The following LIMS1 variants were observed in gnomAD, a reference collection of about 807,000 sequenced individuals.
LIMS1 encodes LIM and senescent cell antigen-like-containing domain protein 1.
In LIMS1, 18 loss-of-function variants were observed where a neutral mutation model predicts 44.1. The ratio of observed to expected loss-of-function variants is 0.41; its 90% CI spans 0.28 to 0.61. The LOEUF is 0.61. Among genes scored for constraint, LIMS1 ranks in the 20% least tolerant of loss-of-function variants. The probability of loss-of-function intolerance (pLI) is 0.32; values close to 1 mark genes in which losing one functional copy is unlikely to be tolerated. For missense variants in LIMS1, 201 were observed against 422.0 expected, an observed-to-expected ratio of 0.48 and a Z score of 4.59; for synonymous variants, 93 against 149.1, an observed-to-expected ratio of 0.62 and a Z score of 2.74.
At chr2:108,545,978 T>C (rs1269679463) in intron 1 of LIMS1, among the ~76,000 whole-genome samples, 1 of 152,232 alleles carries the variant, frequency 6.6e-6, no homozygotes, top group African/African-American at 2.4e-5. Context: ...GAAGCCCTCC[T>C]TAACTATTTA....
intron 1 of LIMS1, among the ~76,000 whole-genome samples, chr2:108,653,535 G>C (rs2148951514): frequency 6.6e-6 from 1 of 152,144 alleles, no homozygotes; most frequent in South Asian, 2.1e-4. Context: ...TTGGTGGGTG[G>C]CACACTGCCC....
At chr2:108,673,392 T>G (rs1377411951) in intron 5 of LIMS1, 2 of 319,132 alleles carry the variant, frequency 6.3e-6, no homozygotes, top group Non-Finnish European at 5.9e-6. Context: ...TGTAAATTTT[T>G]TTTTGCCTTG....
chr2:108,572,917 A>T (rs1331004984), intron 1 of LIMS1, among the ~76,000 whole-genome samples: 4 of 152,172 alleles, frequency 2.6e-5, no homozygotes, highest in Non-Finnish European at 5.9e-5. Context: ...TTGCAGTAGT[A>T]AACTTGTATT....
exon 10 of LIMS1, chr2:108,683,897 G>A (rs1053295753): frequency 3.2e-6 from 5 of 1,566,310 alleles, no homozygotes; most frequent in African/African-American, 2.7e-5. Flanking sequence ...ATAAGTTTGT[G>A]GAGTTTGACA....
chr2:108,638,215 T>C (rs1191026012), intron 1 of LIMS1, among the ~76,000 whole-genome samples: 1 of 152,156 alleles, frequency 6.6e-6, no homozygotes, highest in Non-Finnish European at 1.5e-5. Context: ...AATTGTGAGG[T>C]GGCTTATAGA....
At chr2:108,656,868 C>T (rs1231631604) in intron 1 of LIMS1, among the ~76,000 whole-genome samples, 1 of 85,234 alleles carries the variant, frequency 1.2e-5, no homozygotes, top group African/African-American at 4.3e-5. Flanking sequence ...CTCTTAAAAA[C>T]TATTAAGGTT....
At chr2:108,587,290 TTGTGTG>T (rs58815332) in intron 1 of LIMS1, among the ~76,000 whole-genome samples, 8,988 of 105,692 alleles carry the variant, frequency 0.085, 289 homozygotes, top group Middle Eastern at 0.12. Context: ...TTCTTGGGGT[TTGTGTG>T]TGTGTGTGTG....
At chr2:108,633,731 A>G (rs901935513) in intron 1 of LIMS1, among the ~76,000 whole-genome samples, 2 of 152,252 alleles carry the variant, frequency 1.3e-5, no homozygotes, top group African/African-American at 4.8e-5. Flanking sequence ...GCCATTCTGA[A>G]CTGAAATCCC....
chr2:108,585,171 AGGC>A (rs1686050836), intron 1 of LIMS1, among the ~76,000 whole-genome samples: 1 of 150,432 alleles, frequency 6.6e-6, no homozygotes, highest in Non-Finnish European at 1.5e-5. Flanking sequence ...AAAAAAAAAA[AGGC>A]GGGGCCAGGC....
intron 1 of LIMS1, among the ~76,000 whole-genome samples, chr2:108,634,580 C>T (rs1273582627): frequency 2.0e-4 from 30 of 152,214 alleles, no homozygotes; most frequent in Admixed American, 2.0e-3. Flanking sequence ...GAATGTGACA[C>T]CTTGTCCTGG....
At chr2:108,656,509 A>T (rs1448506273) in intron 1 of LIMS1, among the ~76,000 whole-genome samples, 1 of 152,240 alleles carries the variant, frequency 6.6e-6, no homozygotes, top group African/African-American at 2.4e-5. Context: ...TTAAATATAA[A>T]ATCAACATTT....
chr2:108,682,902 T>G (rs1166652096), intron 9 of LIMS1, among the ~76,000 whole-genome samples: 1 of 152,234 alleles, frequency 6.6e-6, no homozygotes, highest in African/African-American at 2.4e-5. Flanking sequence ...GTTGTATATT[T>G]ACTCAATTCA....
chr2:108,560,505 A>G (rs1685075423), intron 1 of LIMS1, among the ~76,000 whole-genome samples: 1 of 151,978 alleles, frequency 6.6e-6, no homozygotes, highest in South Asian at 2.1e-4. Flanking sequence ...GGCTTTCACC[A>G]GCTGTTCCTA....
intron 1 of LIMS1, among the ~76,000 whole-genome samples, chr2:108,636,184 C>T (rs1689237631): frequency 6.6e-6 from 1 of 152,208 alleles, no homozygotes; most frequent in African/African-American, 2.4e-5. Context: ...CGGGGTCACA[C>T]TACCAGGGCA....
At chr2:108,617,525 T>C (rs908088378) in intron 1 of LIMS1, among the ~76,000 whole-genome samples, 1 of 152,160 alleles carries the variant, frequency 6.6e-6, no homozygotes, top group Non-Finnish European at 1.5e-5. Flanking sequence ...ACTCTGGAGA[T>C]TTCTTCTCAA....
At chr2:108,635,562 G>T (rs767463076) in intron 1 of LIMS1, among the ~76,000 whole-genome samples, 109 of 151,910 alleles carry the variant, frequency 7.2e-4, no homozygotes, top group Non-Finnish European at 1.3e-4. Context: ...TTAGTCAGGC[G>T]TGGTGGTGGG....
At chr2:108,563,482 A>G (rs1245072003) in intron 1 of LIMS1, among the ~76,000 whole-genome samples, 2 of 152,136 alleles carry the variant, frequency 1.3e-5, no homozygotes, top group East Asian at 1.9e-4. Flanking sequence ...CGGGGGCTCA[A>G]GACTTCAGTG....
At chr2:108,674,660 G>A (rs1176490598) in intron 5 of LIMS1, among the ~76,000 whole-genome samples, 1 of 134,402 alleles carries the variant, frequency 7.4e-6, no homozygotes, top group Non-Finnish European at 1.6e-5. Context: ...GGTGGAGCTT[G>A]CAGTGAGTGT....
intron 1 of LIMS1, chr2:108,621,572 C>T (rs1688243815): frequency 1.3e-6 from 1 of 759,100 alleles, no homozygotes; most frequent in Non-Finnish European, 2.3e-6. Flanking sequence ...TGAAAAGTAG[C>T]CTCTTAGTCT....
Sources: allele counts gnomAD v4.1 joint callset (sites outside exome capture counted in the v4.1 genomes callset), GRCh38; gene constraint gnomAD v4.1.1; transcripts MANE v1.5; gene names NCBI Gene and HGNC (gene_info 2026-07-23, HGNC 2026-07-21).